Variants in AKR1C3 observed in about 807,000 individuals in gnomAD.
AKR1C3 encodes the protein aldo-keto reductase family 1 member C3, also known as 3-alpha hydroxysteroid dehydrogenase, type II.
Under a neutral mutation model 43.6 loss-of-function variants are expected in AKR1C3, and 48 were observed. That is an observed-to-expected ratio of 1.10 (90% CI 0.87 to 1.40). The LOEUF (loss-of-function observed/expected upper bound fraction) is 1.40, where lower values mean the gene tolerates loss of function less well. AKR1C3 is among the 40% of genes most tolerant of loss of function. The pLI is 0.00. For synonymous variants in AKR1C3, 162 were observed against 139.6 expected (o/e 1.16, Z -1.13); for missense variants, 482 against 391.2 (o/e 1.23, Z -1.96).
chr10:5,097,120 TAG>T (rs1359164308), intron 2 of AKR1C3, among the ~76,000 whole-genome samples: 3 of 152,166 alleles, frequency 2.0e-5, no homozygotes, highest in African/African-American at 7.2e-5. Context: ...ATAGAAGAAT[TAG>T]ACTGTTAAAA....
chr10:5,075,932 G>A lies in AKR1C3; in HGVS notation c.85-20478G>A, dbSNP rs568140120. Among the ~76,000 whole-genome samples, 488 of 151,180 alleles carry A rather than the reference G, an allele frequency of 3.2e-3. 2 individuals carry two copies. The highest frequency in any genetic ancestry group is 0.011 in the African/African-American group (441 of 41,198). ...CGGGGGCTCGGATGTATTACTAGGG[G>A]GGCTCTAGAGAGATGGAGGGGCACA... On this transcript the variant is annotated intron_variant, in intron 1 of 8. Coordinates refer to the AKR1C3 transcript ENST00000439082.
At chr10:5,100,322 A>G (rs1269238587) in intron 5 of AKR1C3, among the ~76,000 whole-genome samples, 1 of 152,200 alleles carries the variant, frequency 6.6e-6, no homozygotes, top group East Asian at 1.9e-4. Context: ...TTACCTGTTT[A>G]TGGAGGTAAC....
rs34320249 is a variant in AKR1C3, at chr10:5,107,457, T to G, written c.930-4T>G. ...ATTTATATTATACATTATTCTCTTT[T>G]CAGTTTTGCTAGCCACCCTAATTAT... On this transcript the variant is annotated splice_polypyrimidine_tract_variant and splice_region_variant and intron_variant, in intron 8 of 8. Transcript: ENST00000380554. 0.064 allele frequency: 99,941 copies of G among 1,559,374 alleles called. 3,692 individuals carry two copies. The highest frequency in any genetic ancestry group is 0.092 in the Middle Eastern group (545 of 5,942).
chr10:5,096,273 A>G (rs1338778419), intron 1 of AKR1C3, 137 bp from the exon 2 acceptor site: 1 of 1,057,928 alleles, frequency 9.5e-7, no homozygotes, highest in Non-Finnish European at 1.3e-6. Flanking sequence ...GGAAAGACTC[A>G]GGCAAACTGA....
At chr10:5,078,537 G>A (rs782356644) in intron 1 of AKR1C3, among the ~76,000 whole-genome samples, 2 of 152,318 alleles carry the variant, frequency 1.3e-5, no homozygotes, top group Non-Finnish European at 1.5e-5. Context: ...CCACTGGTGA[G>A]AATTCTTGGG....
At chr10:5,098,745 A>G (rs1232203080) in intron 3 of AKR1C3, 57 bp from the exon 4 acceptor site, 2 of 1,434,256 alleles carry the variant, frequency 1.4e-6, no homozygotes, top group African/African-American at 2.8e-5. Context: ...CTGGGGTTAC[A>G]GCTATGAGTG....
intron 3 of AKR1C3, 25 bp from the exon 4 acceptor site, chr10:5,098,777 A>ATTAAAATGACTGCTTCTATT (rs1554785531): frequency 6.2e-7 from 1 of 1,606,032 alleles, no homozygotes; most frequent in Admixed American, 1.7e-5. Context: ...TTGTGACATC[A>ATTAAAATGACTGCTTCTATT]TTAAAATGAC....
chr10:5,069,874 CAA>C (rs532638950), intron 1 of AKR1C3, among the ~76,000 whole-genome samples: 2 of 143,006 alleles, frequency 1.4e-5, no homozygotes, highest in African/African-American at 2.6e-5. Context: ...AACTCTGTCT[CAA>C]AAAAAAAAAG....
At chr10:5,101,556 C>G (rs1839350725) in intron 5 of AKR1C3, among the ~76,000 whole-genome samples, 1 of 152,122 alleles carries the variant, frequency 6.6e-6, no homozygotes, top group Admixed American at 6.5e-5. Context: ...TTCTTTCTTG[C>G]TCTCTGATTA....
chr10:5,085,245 G>A (rs1378574315), intron 1 of AKR1C3, among the ~76,000 whole-genome samples: 1 of 151,904 alleles, frequency 6.6e-6, no homozygotes, highest in Admixed American at 6.6e-5. Context: ...TTTGAGATAT[G>A]TGCCATCAAT....
chr10:5,096,905 C>A (rs1405378010), intron 2 of AKR1C3, among the ~76,000 whole-genome samples: 2 of 151,978 alleles, frequency 1.3e-5, no homozygotes, highest in African/African-American at 4.8e-5. Context: ...TCTAAGATTT[C>A]TTATTATTCT....
chr10:5,103,714 G>A (rs142438101), intron 7 of AKR1C3, among the ~76,000 whole-genome samples: 261 of 152,294 alleles, frequency 1.7e-3, no homozygotes, highest in African/African-American at 5.9e-3. Flanking sequence ...GCCTTTTCAT[G>A]TCTAGGCTCA....
chr10:5,086,960 C>G (rs1464065775), intron 1 of AKR1C3, among the ~76,000 whole-genome samples: 6 of 152,132 alleles, frequency 3.9e-5, no homozygotes, highest in Non-Finnish European at 8.8e-5. Context: ...TATTTTGAGC[C>G]TATGTGTGTC....
intron 3 of AKR1C3, 148 bp downstream of exon 3, chr10:5,097,698 C>T: frequency 6.7e-7 from 1 of 1,492,236 alleles, no homozygotes; most frequent in Non-Finnish European, 8.9e-7. Context: ...AATTTCCTTT[C>T]TTTCGAGTAA....
In AKR1C3 at chr10:5,094,493, C is replaced by A; in HGVS notation, c.49C>A (p.Pro17Thr). 1 of 1,612,706 alleles carries A rather than the reference C, an allele frequency of 6.2e-7. No homozygotes were observed. The highest frequency in any genetic ancestry group is 8.5e-7 in the Non-Finnish European group (1 of 1,178,958). ...CVKLNDGHFM[P>T]VLGFGTYAPP... ...AAAGCTAAATGATGGCCACTTCATGCCTGTATTGGGATTTGGCACCTATGC... is the reference window on the plus strand; with the variant it reads ...AAAGCTAAATGATGGCCACTTCATGACTGTATTGGGATTTGGCACCTATGC... The change falls in exon 1 of 9, where the codon CCT (proline) becomes ACT (threonine). Residue 17 changes from proline (P) to threonine (T), a missense_variant. Physicochemically the swap from Pro to Thr is conservative, Grantham distance 38. Coordinates refer to ENST00000380554, the MANE Select transcript of AKR1C3 (RefSeq NM_003739.6).
rs578221150 is a variant in AKR1C3 at position 5,053,280 on chromosome 10, G to A, written c.84+4385G>A. Among the ~76,000 whole-genome samples the A allele has an allele frequency of 7.9e-5, 12 of 152,374 alleles. No individual in the cohort carries two copies. The East Asian group carries it at 2.3e-3, about 29-fold the overall frequency. On this transcript the variant is annotated intron_variant, in intron 1 of 8. Coordinates refer to the AKR1C3 transcript ENST00000439082. ...AGGCATGGTGGGCTGCAGGTCCCGA[G>A]CCCTGCCCCATGGGGAGGCAGCTAA...
chr10:5,074,662 G>A (rs1838673755), intron 1 of AKR1C3, among the ~76,000 whole-genome samples: 1 of 152,128 alleles, frequency 6.6e-6, no homozygotes, highest in African/African-American at 2.4e-5. Context: ...ATTCTAGCCA[G>A]GAACTGGGAC....
At chr10:5,100,231 T>C (rs10904417) in intron 5 of AKR1C3, among the ~76,000 whole-genome samples, 68,922 of 151,990 alleles carry the variant, frequency 0.45, 16,547 homozygotes, top group East Asian at 0.86. Context: ...GAGGCAGAGA[T>C]TGCGGTGAGC....
At position 5,107,416 on chromosome 10, in the gene AKR1C3, G is replaced by A. The variant is rs782447606; in HGVS notation, c.930-45G>A. ...TTGAAATCACTTTACTACTCCCCTA[G>A]TAATGGAGTCATTGCATTTATATTA... On this transcript the variant is annotated intron_variant, in intron 8 of 8. Transcript: ENST00000380554. The A allele has an allele frequency of 3.8e-6, 5 of 1,317,068 alleles. No individual in the cohort carries two copies. In the Admixed American group the frequency reaches 5.2e-5, roughly 14 times the overall value. 81.6% of individuals were successfully genotyped at this position (1,317,068 alleles called of 1,614,324 possible).
Sources: gnomAD v4.1 joint callset for allele counts (sites outside exome capture counted in the v4.1 genomes callset) on GRCh38, gnomAD v4.1.1 for gene constraint, MANE v1.5 for transcripts, NCBI Gene and HGNC (gene_info 2026-07-23, HGNC 2026-07-21) for gene names.